The following SLC17A3 variants were observed in gnomAD, a reference collection of about 807,000 sequenced individuals.
SLC17A3 encodes the protein sodium-dependent phosphate transport protein 4.
In SLC17A3, 61 loss-of-function variants were observed where a neutral mutation model predicts 60.3. That is an observed-to-expected ratio of 1.01 (90% CI 0.82 to 1.25). SLC17A3 has a LOEUF of 1.25. Ranked by LOEUF, SLC17A3 falls within the 50% of genes most tolerant of loss-of-function variation. SLC17A3 has a pLI of 0.00. For missense variants in SLC17A3, 624 were observed against 594.9 expected, an observed-to-expected ratio of 1.05 and a Z score of -0.51; for synonymous variants, 192 against 208.9, an observed-to-expected ratio of 0.92 and a Z score of 0.70.
At chr6:25,858,135 C>T (rs1478090710) in intron 5 of SLC17A3, among the ~76,000 whole-genome samples, 1 of 152,064 alleles carries the variant, frequency 6.6e-6, no homozygotes, top group African/African-American at 2.4e-5. Flanking sequence ...CATGACTCAA[C>T]CTCCTGAGTA....
Position 25,849,841 on chromosome 6 carries a change from G to A in SLC17A3, c.1235C>T (p.Ser412Leu), listed in dbSNP as rs186096500. ...LSCGLSTLCQ[S>L]GIYINVLDIA... ...ATCTAAGACATTGATATAAATCCCT[G>A]ACTGACACAATGTGCTTAATCCGCA... Residue 412 changes from serine to leucine, a missense_variant, in exon 10 of 13, where the codon TCA (serine) becomes TTA (leucine). Coordinates refer to ENST00000397060, the MANE Select transcript of SLC17A3 (RefSeq NM_001098486.2). 13 of 1,613,936 alleles carry A rather than the reference G, an allele frequency of 8.1e-6. No individual in the cohort carries two copies. The East Asian group carries it at 2.5e-4, about 30-fold the overall frequency.
At chr6:25,869,756 A>G (rs146042713) in intron 1 of SLC17A3, among the ~76,000 whole-genome samples, 40 of 152,076 alleles carry the variant, frequency 2.6e-4, no homozygotes, top group Middle Eastern at 3.4e-3. Context: ...CCATGATTCA[A>G]TTATCTCCAC....
At chr6:25,868,047 T>C (rs934741433) in intron 2 of SLC17A3, among the ~76,000 whole-genome samples, 29 of 151,892 alleles carry the variant, frequency 1.9e-4, no homozygotes, top group African/African-American at 7.0e-4. Context: ...ATACTATGTG[T>C]AGACAATTCA....
chr6:25,846,901 G>A (rs539194071), intron 11 of SLC17A3, among the ~76,000 whole-genome samples: 4 of 152,188 alleles, frequency 2.6e-5, no homozygotes, highest in South Asian at 2.1e-4. Flanking sequence ...TGAGCCCACC[G>A]CACCTGGCCG....
At chr6:25,850,292 T>C in intron 8 of SLC17A3, 115 bp from the exon 9 acceptor site, 1 of 1,362,714 alleles carries the variant, frequency 7.3e-7, no homozygotes, top group Non-Finnish European at 1.0e-6. Flanking sequence ...CTTAGGAAAA[T>C]CAGTAACCTC....
rs1468206745 is a variant in SLC17A3 at position 25,850,778 on chromosome 6, A to T, written c.812T>A (p.Ile271Lys). 1 of 1,613,548 alleles carries T rather than the reference A, an allele frequency of 6.2e-7. No individual in the cohort carries two copies. The highest frequency in any genetic ancestry group is 1.3e-5 in the African/African-American group (1 of 74,922). Residue 271 changes from isoleucine (I) to lysine (K), a missense_variant, in exon 7 of 13, where the codon ATA becomes AAA. Ile to Lys is a moderately radical substitution (Grantham distance 102, BLOSUM62 -3). Coordinates refer to ENST00000397060, the MANE Select transcript of SLC17A3 (RefSeq NM_001098486.2). ...WISTSEKEYI[I>K]SSLKQQVGSS... Reference sequence around the variant, plus strand: ...ATGTACCTGTTGTTTCAAGGAGGATATGATGTATTCTTTTTCTGAGGTGCT... The same window carrying T: ...ATGTACCTGTTGTTTCAAGGAGGATTTGATGTATTCTTTTTCTGAGGTGCT...
chr6:25,850,392 T>C (rs936418381), intron 8 of SLC17A3, 67 bp downstream of exon 8: 3 of 1,495,034 alleles, frequency 2.0e-6, no homozygotes, highest in Non-Finnish European at 2.8e-6. Flanking sequence ...GATGGAATGA[T>C]TAGTGAGGGC....
In SLC17A3 at chr6:25,845,199, C is replaced by T; in HGVS notation, c.*102G>A. 3 of 550,148 alleles carry T rather than the reference C, an allele frequency of 5.5e-6. No individual in the cohort carries two copies. Among genetic ancestry groups the T allele is most frequent in the Non-Finnish European group, 8.9e-6 (3 of 338,330 alleles). 34.1% of individuals were successfully genotyped at this position (550,148 alleles called of 1,614,324 possible). ...AACTGATCTCATAATTGAAAAGAGC[C>T]ACAGGAAAAAAAAAATCTTTTCACT... On this transcript the variant is annotated 3_prime_UTR_variant, in exon 13 of 13. Transcript: ENST00000397060.
chr6:25,871,761 C>G (rs1765645904), intron 1 of SLC17A3, among the ~76,000 whole-genome samples: 1 of 152,038 alleles, frequency 6.6e-6, no homozygotes, highest in Non-Finnish European at 1.5e-5. Flanking sequence ...ACTGTTGTCT[C>G]AATCCAAGAA....
At position 25,861,722 on chromosome 6, in the gene SLC17A3, A is replaced by G. The variant is rs200669181; in HGVS notation, c.538-11T>C. On this transcript the variant is annotated splice_polypyrimidine_tract_variant and intron_variant, in intron 4 of 12. Transcript: ENST00000397060. ...CCCAAGTATTGAGGACTGAAATTAA[A>G]ATGATTAGAGTTCTTAATGTGTGGT... The G allele has an allele frequency of 1.6e-5, 26 of 1,613,378 alleles. No homozygotes were observed. Among genetic ancestry groups the G allele is most frequent in the Non-Finnish European group, 2.2e-5 (26 of 1,179,436 alleles).
intron 5 of SLC17A3, among the ~76,000 whole-genome samples, chr6:25,857,039 A>C (rs973803291): frequency 1.3e-5 from 2 of 151,844 alleles, no homozygotes; most frequent in Non-Finnish European, 2.9e-5. Context: ...AAAGTAAAAA[A>C]TTATCCAGAC....
Position 25,861,850 on chromosome 6 carries a change from A to G in SLC17A3, c.483T>C (p.Thr161=). 1 of 1,613,652 alleles carries G rather than the reference A, an allele frequency of 6.2e-7. No individual in the cohort carries two copies. The highest frequency in any genetic ancestry group is 8.5e-7 in the Non-Finnish European group (1 of 1,179,694). The change falls in exon 4 of 13, where the codon ACT becomes ACC. Residue 161 remains threonine, a synonymous_variant. Coordinates refer to ENST00000397060, the MANE Select transcript of SLC17A3 (RefSeq NM_001098486.2). ...CAATGAGCAAGACTATTCCAAAGTCAGTGGCCAGAGGGATGCATAGAGTGA... is the reference window on the plus strand; with the variant it reads ...CAATGAGCAAGACTATTCCAAAGTCGGTGGCCAGAGGGATGCATAGAGTGA... The part of the protein sequence containing the change: ...SFLTLCIPLA[T]DFGIVLLIVT...
Position 25,862,335 on chromosome 6 carries a change from G to A in SLC17A3, c.201C>T (p.Val67=), listed in dbSNP as rs1052869894. The change falls in exon 3 of 13, where the codon GTC becomes GTT. Residue 67 remains valine (V), a synonymous_variant. Transcript: ENST00000397060. ...GCTGGGATTGAGGGCTTGTGCTGTT[G>A]ACCATGGCTACCATGGTGATGTTCA... is the stretch of plus-strand genomic sequence containing the variant. ...VIMNITMVAM[V]NSTSPQSQLN... is the part of the protein sequence containing the mutation. 1 of 1,613,498 alleles carries A rather than the reference G, an allele frequency of 6.2e-7. No homozygotes were observed. The highest frequency in any genetic ancestry group is 1.3e-5 in the African/African-American group (1 of 74,880).
chr6:25,872,588 A>ATG (rs1243108809), intron 1 of SLC17A3, among the ~76,000 whole-genome samples: 1 of 147,646 alleles, frequency 6.8e-6, no homozygotes, highest in East Asian at 2.0e-4. Flanking sequence ...TTATACATAT[A>ATG]TATATATTTA....
chr6:25,873,410 T>C (rs939643235), intron 1 of SLC17A3, among the ~76,000 whole-genome samples: 1 of 152,130 alleles, frequency 6.6e-6, no homozygotes, highest in African/African-American at 2.4e-5. Context: ...TCAGTAGAGA[T>C]GGTTAGTTTA....
chr6:25,850,105 A>T lies in SLC17A3; in HGVS notation c.1066T>A (p.Phe356Ile). The change falls in exon 9 of 13, where the codon TTC becomes ATC. Residue 356 changes from phenylalanine (F) to isoleucine (I), a missense_variant. Coordinates refer to ENST00000397060, the MANE Select transcript of SLC17A3 (RefSeq NM_001098486.2). ...IGMVGGYLAD[F>I]LLTKKFRLIT... ...AGTCTAAACTTTTTGGTTAGAAGGA[A>T]ATCTGCCAGATAGCCTCCCACCATG... 1 of 1,613,982 alleles carries T rather than the reference A, an allele frequency of 6.2e-7. No individual in the cohort carries two copies. The highest frequency in any genetic ancestry group is 8.5e-7 in the Non-Finnish European group (1 of 1,179,848).
intron 6 of SLC17A3, among the ~76,000 whole-genome samples, chr6:25,852,070 T>C (rs1371268525): frequency 6.6e-6 from 1 of 152,182 alleles, no homozygotes; most frequent in Non-Finnish European, 1.5e-5. Context: ...GAAACTTTTT[T>C]TTTTCACTGG....
At chr6:25,847,507 G>A (rs1259748851) in intron 11 of SLC17A3, among the ~76,000 whole-genome samples, 70 of 152,092 alleles carry the variant, frequency 4.6e-4, no homozygotes, top group Admixed American at 4.5e-3. Context: ...CACAACGGTT[G>A]AACTAATTTA....
chr6:25,849,527 G>A (rs1646413670), intron 10 of SLC17A3, 63 bp from the exon 11 acceptor site: 4 of 978,436 alleles, frequency 4.1e-6, no homozygotes, highest in African/African-American at 1.6e-5. Context: ...CTTCAGCCCT[G>A]ATCCATGTAT....
Sources: allele counts gnomAD v4.1 joint callset (sites outside exome capture counted in the v4.1 genomes callset), GRCh38; gene constraint gnomAD v4.1.1; transcripts MANE v1.5; gene names NCBI Gene and HGNC (gene_info 2026-07-23, HGNC 2026-07-21).